Variants in CSMD1 observed in about 807,000 individuals in gnomAD.
The protein encoded by CSMD1 is CUB and sushi domain-containing protein 1.
A neutral mutation model predicts 417.5 loss-of-function variants in CSMD1; 213 were observed. The ratio of observed to expected loss-of-function variants is 0.51; its 90% CI spans 0.46 to 0.57. CSMD1 has a LOEUF of 0.57. Among genes scored for constraint, CSMD1 ranks in the 20% least tolerant of loss-of-function variants. The probability of loss-of-function intolerance (pLI) is 0.00; values close to 1 mark genes in which losing one functional copy is unlikely to be tolerated. For missense variants in CSMD1, 6,923 were observed against 4,529.7 expected, an observed-to-expected ratio of 1.53 and a Z score of -15.17; for synonymous variants, 2,862 against 1,736.8, an observed-to-expected ratio of 1.65 and a Z score of -16.11.
At chr8:3,947,476 T>C (rs1004334576) in intron 5 of CSMD1, among the ~76,000 whole-genome samples, 9 of 152,214 alleles carry the variant, frequency 5.9e-5, no homozygotes, top group Non-Finnish European at 1.0e-4. Flanking sequence ...TCCAGTTTAA[T>C]TTTTTAATTT....
At chr8:4,108,044 A>T (rs1801658175) in intron 3 of CSMD1, among the ~76,000 whole-genome samples, 1 of 160 alleles carries the variant, frequency 6.3e-3, no homozygotes, top group Non-Finnish European at 0.013. Context: ...AGAGAGAAAG[A>T]GAGACAGAGA....
intron 3 of CSMD1, among the ~76,000 whole-genome samples, chr8:4,074,480 A>G (rs1799719990): frequency 6.6e-6 from 1 of 152,236 alleles, no homozygotes; most frequent in Non-Finnish European, 1.5e-5. Context: ...TTTATAGTCA[A>G]TTATGAAAAT....
At chr8:3,998,367 A>G (rs558838718) in intron 4 of CSMD1, among the ~76,000 whole-genome samples, 10 of 152,298 alleles carry the variant, frequency 6.6e-5, no homozygotes, top group South Asian at 6.2e-4. Flanking sequence ...TGAAACATGG[A>G]AAGTGTAGTT....
At chr8:4,569,881 G>GAT (rs1472971214) in intron 2 of CSMD1, among the ~76,000 whole-genome samples, 4 of 152,110 alleles carry the variant, frequency 2.6e-5, no homozygotes, top group African/African-American at 9.7e-5. Context: ...TGTATTCCTA[G>GAT]ATATTTTATT....
intron 26 of CSMD1, among the ~76,000 whole-genome samples, chr8:3,281,184 T>C (rs1802708612): frequency 6.6e-6 from 1 of 152,156 alleles, no homozygotes; most frequent in South Asian, 2.1e-4. Flanking sequence ...GGCTCACGCC[T>C]GTAATCCCAG....
At chr8:4,125,334 G>A (rs954970182) in intron 3 of CSMD1, among the ~76,000 whole-genome samples, 2 of 152,308 alleles carry the variant, frequency 1.3e-5, no homozygotes, top group South Asian at 4.1e-4. Context: ...ACTCTAAAGA[G>A]CGCAACTGTT....
intron 2 of CSMD1, among the ~76,000 whole-genome samples, chr8:4,522,113 C>A (rs1310484796): frequency 6.6e-6 from 1 of 152,020 alleles, no homozygotes; most frequent in Non-Finnish European, 1.5e-5. Flanking sequence ...GTGGGAGGAG[C>A]CTGGGGGGAG....
chr8:4,462,417 C>T (rs1244186105), intron 2 of CSMD1, among the ~76,000 whole-genome samples: 1 of 152,008 alleles, frequency 6.6e-6, no homozygotes, highest in Non-Finnish European at 1.5e-5. Flanking sequence ...TGGCAATACT[C>T]CCCAAATTGA....
At chr8:4,244,360 T>G (rs1585087062) in intron 3 of CSMD1, among the ~76,000 whole-genome samples, 1 of 152,124 alleles carries the variant, frequency 6.6e-6, no homozygotes, top group South Asian at 2.1e-4. Flanking sequence ...TTTTAATAGG[T>G]AGAAAGACCT....
chr8:4,494,307 G>C (rs2130236764), intron 2 of CSMD1, among the ~76,000 whole-genome samples: 1 of 152,250 alleles, frequency 6.6e-6, no homozygotes, highest in East Asian at 1.9e-4. Context: ...AAACATGTAG[G>C]TTAGTAGTTA....
intron 3 of CSMD1, among the ~76,000 whole-genome samples, chr8:4,077,742 T>C (rs1799909205): frequency 6.6e-6 from 1 of 152,220 alleles, no homozygotes; most frequent in African/African-American, 2.4e-5. Context: ...TTTATTCTCT[T>C]GTCCCAATGC....
At position 4,420,017 on chromosome 8, in the gene CSMD1, G is replaced by T. The variant is rs369727382; in HGVS notation, c.351C>A (p.Ile117=). The T allele has an allele frequency of 1.9e-6, 3 of 1,585,228 alleles. No individual in the cohort carries two copies. The change falls in exon 3 of 70, where the codon ATC becomes ATA. Residue 117 remains isoleucine (I), a synonymous_variant. Coordinates refer to ENST00000635120, the MANE Select transcript of CSMD1 (RefSeq NM_033225.6). ...AGTCTGTCGTGAACCACAGAGTGAG[G>T]ATAGATCCTGTACTCACTATAGAGG... ...LPSSIVSTGS[I]LTLWFTTDFA...
chr8:3,980,515 T>G (rs1253242596), intron 5 of CSMD1, among the ~76,000 whole-genome samples: 2 of 149,840 alleles, frequency 1.3e-5, no homozygotes, highest in African/African-American at 4.9e-5. Context: ...GCTTCTATGT[T>G]GTTTATGCCA....
chr8:4,241,060 A>G (rs1047598109), intron 3 of CSMD1, among the ~76,000 whole-genome samples: 5 of 152,292 alleles, frequency 3.3e-5, no homozygotes, highest in South Asian at 4.1e-4. Flanking sequence ...AGCTACCCCT[A>G]TGGATTTGAT....
chr8:3,990,703 G>A (rs963073853), intron 5 of CSMD1, among the ~76,000 whole-genome samples: 3 of 152,140 alleles, frequency 2.0e-5, no homozygotes, highest in Admixed American at 6.5e-5. Flanking sequence ...TCAAATTCAG[G>A]CTTAATTCTA....
intron 20 of CSMD1, 82 bp downstream of exon 20, chr8:3,366,950 A>ACACACACC (rs1809613454): frequency 9.4e-7 from 1 of 1,062,644 alleles, no homozygotes; most frequent in Non-Finnish European, 1.4e-6. Flanking sequence ...TTACACACAC[A>ACACACACC]CACACACCCA....
At chr8:4,861,944 C>G (rs1802161733) in intron 1 of CSMD1, among the ~76,000 whole-genome samples, 1 of 151,860 alleles carries the variant, frequency 6.6e-6, no homozygotes, top group Non-Finnish European at 1.5e-5. Context: ...GGGGATGCAA[C>G]AAATATAAAT....
At chr8:4,966,088 G>C (rs1317272311) in intron 1 of CSMD1, among the ~76,000 whole-genome samples, 1 of 151,854 alleles carries the variant, frequency 6.6e-6, no homozygotes, top group East Asian at 1.9e-4. Context: ...TCCAGGCCGG[G>C]TGTGATGGCT....
rs1417665987 is a variant in CSMD1 at position 3,660,068 on chromosome 8, A to G, written c.1010-43271T>C. Among the ~76,000 whole-genome samples the G allele has an allele frequency of 2.0e-5, 3 of 152,252 alleles. 1 individual carries two copies. The highest frequency in any genetic ancestry group is 2.0e-4 in the Admixed American group (3 of 15,280). On this transcript the variant is annotated intron_variant, in intron 7 of 69. Coordinates refer to ENST00000635120, the MANE Select transcript of CSMD1 (RefSeq NM_033225.6). ...TGTGTTCAGCAACACGCTATGAAGT[A>G]TAAAATAGAAATAAGGTACCATCGT... is the stretch of plus-strand genomic sequence containing the variant.
Sources: allele counts gnomAD v4.1 joint callset (sites outside exome capture counted in the v4.1 genomes callset), GRCh38; gene constraint gnomAD v4.1.1; transcripts MANE v1.5; gene names NCBI Gene and HGNC (gene_info 2026-07-23, HGNC 2026-07-21).